Variants in LINGO2 observed in about 807,000 individuals in gnomAD.
The protein encoded by LINGO2 is leucine-rich repeat and immunoglobulin-like domain-containing nogo receptor-interacting protein 2.
Under a neutral mutation model 30.6 loss-of-function variants are expected in LINGO2, and 14 were observed. The observed-to-expected ratio is 0.46, with a 90% CI of 0.30 to 0.72. The LOEUF (loss-of-function observed/expected upper bound fraction) is 0.72. Ranked by LOEUF, LINGO2 falls within the 30% of genes least tolerant of loss-of-function variation. LINGO2 has a pLI of 0.07. For missense variants in LINGO2, 729 were observed against 751.7 expected, an observed-to-expected ratio of 0.97 and a Z score of 0.35; for synonymous variants, 317 against 288.5, an observed-to-expected ratio of 1.10 and a Z score of -1.00.
intron 5 of LINGO2, among the ~76,000 whole-genome samples, chr9:27,951,599 GA>G (rs1819315722): frequency 6.6e-6 from 1 of 152,042 alleles, no homozygotes; most frequent in Admixed American, 6.6e-5. Context: ...AATGAGAAGG[GA>G]AATGAGTATG....
chr9:28,766,010 A>G, the LINGO2 span, among the ~76,000 whole-genome samples: 2 of 152,118 alleles, frequency 1.3e-5, no homozygotes, highest in South Asian at 4.1e-4. Flanking sequence ...AAAAACAGAG[A>G]AAAGCTCCGT....
the LINGO2 span, among the ~76,000 whole-genome samples, chr9:28,720,343 G>T: frequency 6.6e-6 from 1 of 151,996 alleles, no homozygotes; most frequent in Non-Finnish European, 1.5e-5. Context: ...TGCTTAGTTT[G>T]CTCTTCTCTT....
At chr9:28,897,709 G>A in the LINGO2 span, among the ~76,000 whole-genome samples, 1 of 152,096 alleles carries the variant, frequency 6.6e-6, no homozygotes, top group South Asian at 2.1e-4. Context: ...CAGGGGTTAT[G>A]AGGATTAATT....
the LINGO2 span, among the ~76,000 whole-genome samples, chr9:29,113,888 C>A: frequency 1.3e-5 from 2 of 151,866 alleles, no homozygotes; most frequent in Admixed American, 1.3e-4. Flanking sequence ...TACTTGTTGA[C>A]TTTCTACATG....
At chr9:28,848,397 G>GTATATATATA in the LINGO2 span, among the ~76,000 whole-genome samples, 15 of 48,432 alleles carry the variant, frequency 3.1e-4, no homozygotes, top group Admixed American at 9.6e-4. Context: ...GTGTGTGTGT[G>GTATATATATA]TATATATATA....
chr9:28,588,665 G>A (rs1352339841), intron 1 of LINGO2, among the ~76,000 whole-genome samples: 1 of 151,924 alleles, frequency 6.6e-6, no homozygotes, highest in East Asian at 1.9e-4. Flanking sequence ...CAGAATCCAA[G>A]ATATAAGAGG....
intron 4 of LINGO2, among the ~76,000 whole-genome samples, chr9:28,110,193 T>C (rs1826732565): frequency 6.6e-6 from 1 of 152,244 alleles, no homozygotes; most frequent in Non-Finnish European, 1.5e-5. Flanking sequence ...GCTAGCCATA[T>C]GCAGAAAACT....
chr9:28,383,257 TG>T (rs35128954), intron 2 of LINGO2, among the ~76,000 whole-genome samples: 71,745 of 148,850 alleles, frequency 0.48, 18,745 homozygotes, highest in Non-Finnish European at 0.59. Context: ...CCATTCATTG[TG>T]TGTGTGTGTG....
chr9:29,047,975 G>C, the LINGO2 span, among the ~76,000 whole-genome samples: 6 of 151,886 alleles, frequency 4.0e-5, no homozygotes, highest in Non-Finnish European at 7.4e-5. Flanking sequence ...GCTGGGTGTG[G>C]TAATGCACAG....
At chr9:28,575,782 A>C (rs535363777) in intron 1 of LINGO2, among the ~76,000 whole-genome samples, 2 of 152,280 alleles carry the variant, frequency 1.3e-5, no homozygotes, top group African/African-American at 4.8e-5. Context: ...ACATTTTTAG[A>C]ATTATCTTCT....
the LINGO2 span, among the ~76,000 whole-genome samples, chr9:28,937,252 T>G: frequency 6.6e-6 from 1 of 152,148 alleles, no homozygotes; most frequent in Admixed American, 6.5e-5. Context: ...AAGATGAAAG[T>G]GTATCTAAAT....
chr9:29,009,335 G>C, the LINGO2 span, among the ~76,000 whole-genome samples: 18,289 of 152,124 alleles, frequency 0.12, 1,230 homozygotes, highest in East Asian at 0.21. Context: ...TTTCAGCAAA[G>C]TCTCAGGATA....
chr9:28,496,651 C>T (rs1819641452), intron 1 of LINGO2, among the ~76,000 whole-genome samples: 1 of 152,022 alleles, frequency 6.6e-6, no homozygotes, highest in African/African-American at 2.4e-5. Flanking sequence ...GCATTTAGTC[C>T]ATTTACATTT....
At chr9:28,825,987 A>C in the LINGO2 span, among the ~76,000 whole-genome samples, 2 of 152,182 alleles carry the variant, frequency 1.3e-5, no homozygotes, top group Admixed American at 6.5e-5. Flanking sequence ...CTCAAGTCTT[A>C]ATGTTATTTT....
intron 4 of LINGO2, among the ~76,000 whole-genome samples, chr9:28,229,580 C>G (rs1821288029): frequency 6.6e-6 from 1 of 151,472 alleles, no homozygotes; most frequent in African/African-American, 2.4e-5. Flanking sequence ...AAAGAATGAC[C>G]AAAAGATCTA....
At chr9:28,741,667 G>A in the LINGO2 span, among the ~76,000 whole-genome samples, 3 of 151,880 alleles carry the variant, frequency 2.0e-5, no homozygotes, top group Non-Finnish European at 4.4e-5. Context: ...TGGAGCTATA[G>A]GATCCCACTT....
In LINGO2 at chr9:28,050,357, G is replaced by C. The variant is rs1202665873; in HGVS notation, c.-86-37952C>G. On this transcript the variant is annotated intron_variant, in intron 4 of 5. Transcript: ENST00000379992. ...ACACTTTGGTTAAAGCCCCATATCT[G>C]GAGTCTTGACAGCAAAATATTTAAT... Among the ~76,000 whole-genome samples the C allele has an allele frequency of 1.3e-5, 2 of 150,614 alleles. 1 individual carries two copies. Among genetic ancestry groups the C allele is most frequent in the African/African-American group, 4.9e-5 (2 of 40,668 alleles).
rs147586906 is a variant in LINGO2 at position 28,628,818 on chromosome 9, T to C, written c.-365+41382A>G. 2.1e-3 allele frequency among the ~76,000 whole-genome samples: 321 copies of C among 152,180 alleles called. 10 individuals are homozygous for C. The East Asian group carries it at 0.051, about 24-fold the overall frequency. On this transcript the variant is annotated intron_variant, in intron 1 of 5. Coordinates refer to ENST00000379992, the Ensembl canonical transcript of LINGO2. ...CAGCAATGATGAGCCTCCGGTAATG[T>C]AATGATTTTGTACTAATAGCTGAAA...
chr9:28,287,338 T>C (rs148097205), intron 4 of LINGO2, among the ~76,000 whole-genome samples: 1 of 152,324 alleles, frequency 6.6e-6, no homozygotes, highest in East Asian at 1.9e-4. Flanking sequence ...GTTAATGTGC[T>C]CCAGCTCATT....
Sources: allele counts gnomAD v4.1 joint callset (sites outside exome capture counted in the v4.1 genomes callset), GRCh38; gene constraint gnomAD v4.1.1; transcripts MANE v1.5; gene names NCBI Gene and HGNC (gene_info 2026-07-23, HGNC 2026-07-21).